The following PBX3 variants were observed in gnomAD, a reference collection of about 807,000 sequenced individuals.
PBX3 encodes the protein PBX homeobox 3.
Under a neutral mutation model 48.5 loss-of-function variants are expected in PBX3, and 14 were observed. The observed-to-expected ratio is 0.29, with a 90% CI of 0.19 to 0.45. The LOEUF (loss-of-function observed/expected upper bound fraction) is 0.45. Ranked by LOEUF, PBX3 falls within the 20% of genes least tolerant of loss-of-function variation. The pLI is 1.00. For missense variants in PBX3, 386 were observed against 546.7 expected, an observed-to-expected ratio of 0.71 and a Z score of 2.93; for synonymous variants, 210 against 200.3, an observed-to-expected ratio of 1.05 and a Z score of -0.41.
At chr9:125,810,241 C>G (rs959337236) in intron 2 of PBX3, among the ~76,000 whole-genome samples, 2 of 152,130 alleles carry the variant, frequency 1.3e-5, no homozygotes, top group Admixed American at 1.3e-4. Context: ...GCACTCTGTT[C>G]TAACTTATTA....
At chr9:125,780,567 C>G (rs1040288984) in intron 2 of PBX3, among the ~76,000 whole-genome samples, 4 of 142,268 alleles carry the variant, frequency 2.8e-5, no homozygotes, top group African/African-American at 1.0e-4. Context: ...CAGAGGGGCT[C>G]CTCACTTCCC....
At chr9:125,917,100 C>T (rs1406571748) in intron 3 of PBX3, among the ~76,000 whole-genome samples, 1 of 152,100 alleles carries the variant, frequency 6.6e-6, no homozygotes, top group African/African-American at 2.4e-5. Flanking sequence ...CTTAGACATC[C>T]TATAATTTCA....
chr9:125,872,371 C>A (rs1286841596), intron 2 of PBX3, among the ~76,000 whole-genome samples: 1 of 152,006 alleles, frequency 6.6e-6, no homozygotes, highest in African/African-American at 2.4e-5. Flanking sequence ...CACTTATTTA[C>A]AAGAGACATC....
chr9:125,859,762 A>G (rs536324100), intron 2 of PBX3, among the ~76,000 whole-genome samples: 3 of 152,364 alleles, frequency 2.0e-5, no homozygotes, highest in Non-Finnish European at 2.9e-5. Flanking sequence ...ATTGTATGAC[A>G]TGCATTTATA....
At chr9:125,955,721 T>TG (rs893072101) in intron 5 of PBX3, among the ~76,000 whole-genome samples, 3 of 152,248 alleles carry the variant, frequency 2.0e-5, no homozygotes, top group African/African-American at 7.2e-5. Flanking sequence ...TCAGACCTGC[T>TG]GGGATATCTC....
At chr9:125,932,520 T>C (rs1334052309) in intron 4 of PBX3, among the ~76,000 whole-genome samples, 4 of 152,222 alleles carry the variant, frequency 2.6e-5, no homozygotes, top group Admixed American at 6.5e-5. Flanking sequence ...AATAATTTAT[T>C]GACTGGCCAG....
chr9:125,861,722 A>G (rs1308509411), intron 2 of PBX3, among the ~76,000 whole-genome samples: 1 of 152,240 alleles, frequency 6.6e-6, no homozygotes, highest in East Asian at 1.9e-4. Flanking sequence ...TTTATCAAGG[A>G]CCACATATTG....
chr9:125,808,860 C>G (rs185334833), intron 2 of PBX3, among the ~76,000 whole-genome samples: 1 of 152,212 alleles, frequency 6.6e-6, no homozygotes, highest in East Asian at 1.9e-4. Flanking sequence ...GATTCATTAA[C>G]ATTGAACTCT....
At chr9:125,758,054 G>A (rs959215067) in intron 2 of PBX3, among the ~76,000 whole-genome samples, 1 of 152,174 alleles carries the variant, frequency 6.6e-6, no homozygotes, top group Non-Finnish European at 1.5e-5. Flanking sequence ...GTGATACTGA[G>A]GATGTCCTTA....
chr9:125,896,156 C>T (rs1283437193), intron 2 of PBX3, among the ~76,000 whole-genome samples: 1 of 151,948 alleles, frequency 6.6e-6, no homozygotes, highest in Admixed American at 6.6e-5. Flanking sequence ...ATGGGTTAAT[C>T]TCTCAATAGA....
At chr9:125,779,897 C>G (rs1411281546) in intron 2 of PBX3, among the ~76,000 whole-genome samples, 2 of 127,226 alleles carry the variant, frequency 1.6e-5, no homozygotes, top group Non-Finnish European at 1.7e-5. Context: ...GGCTGACCCC[C>G]CCACCTCCCT....
intron 8 of PBX3, among the ~76,000 whole-genome samples, chr9:125,963,952 C>CT (rs1460034164): frequency 6.6e-6 from 1 of 152,114 alleles, no homozygotes; most frequent in Admixed American, 6.5e-5. Context: ...TCAAATCTTT[C>CT]TTTTTGGGCT....
chr9:125,964,160 G>A (rs868292188), intron 8 of PBX3, among the ~76,000 whole-genome samples: 4 of 152,060 alleles, frequency 2.6e-5, no homozygotes, highest in Admixed American at 1.3e-4. Flanking sequence ...TTGATAAGGC[G>A]CTGTTGTATA....
chr9:125,841,841 A>T (rs564073593), intron 2 of PBX3, among the ~76,000 whole-genome samples: 13 of 152,184 alleles, frequency 8.5e-5, no homozygotes, highest in Non-Finnish European at 1.6e-4. Context: ...AGTAAACTGC[A>T]GTATTGGTTT....
chr9:125,899,479 A>G (rs1424586167), intron 2 of PBX3, among the ~76,000 whole-genome samples: 1 of 148,000 alleles, frequency 6.8e-6, no homozygotes, highest in African/African-American at 2.5e-5. Flanking sequence ...AGAGAGAGAG[A>G]GAGAGAGAGC....
intron 3 of PBX3, among the ~76,000 whole-genome samples, chr9:125,924,740 G>A (rs78915602): frequency 0.038 from 5,742 of 152,250 alleles, 378 homozygotes; most frequent in African/African-American, 0.13. Context: ...TCATCAGAAA[G>A]TCTACTGGGA....
chr9:125,835,109 G>A (rs1371308357), intron 2 of PBX3, among the ~76,000 whole-genome samples: 1 of 143,444 alleles, frequency 7.0e-6, no homozygotes, highest in Non-Finnish European at 1.5e-5. Context: ...ACTCTTAAAT[G>A]TTGGAAAAAG....
At chr9:125,810,200 C>G (rs1447896857) in intron 2 of PBX3, among the ~76,000 whole-genome samples, 3 of 152,142 alleles carry the variant, frequency 2.0e-5, no homozygotes, top group African/African-American at 7.2e-5. Flanking sequence ...ATAAAAATTT[C>G]TGTTTTCTCA....
chr9:125,755,183 A>T (rs565442288), intron 2 of PBX3, among the ~76,000 whole-genome samples: 4 of 152,118 alleles, frequency 2.6e-5, no homozygotes, highest in Non-Finnish European at 5.9e-5. Context: ...ACATTAAAAA[A>T]TTCATAAATT....
Sources: allele counts gnomAD v4.1 joint callset (sites outside exome capture counted in the v4.1 genomes callset), GRCh38; gene constraint gnomAD v4.1.1; transcripts MANE v1.5; gene names NCBI Gene and HGNC (gene_info 2026-07-23, HGNC 2026-07-21).